Variants in SELENBP1 observed in about 807,000 individuals in gnomAD.
The protein encoded by SELENBP1 is methanethiol oxidase.
A neutral mutation model predicts 61.0 loss-of-function variants in SELENBP1; 71 were observed. The observed-to-expected ratio is 1.16, with a 90% CI of 0.96 to 1.42. The LOEUF (loss-of-function observed/expected upper bound fraction) is 1.42, where lower values mean the gene tolerates loss of function less well. SELENBP1 is among the 40% of genes most tolerant of loss of function. The probability of loss-of-function intolerance (pLI) is 0.00; values close to 1 mark genes in which losing one functional copy is unlikely to be tolerated. For synonymous variants in SELENBP1, 270 were observed against 238.9 expected (o/e 1.13, Z -1.20); for missense variants, 561 against 605.0 (o/e 0.93, Z 0.76).
intron 4 of SELENBP1, 136 bp from the exon 5 acceptor site, chr1:151,368,455 G>T: frequency 8.0e-7 from 1 of 1,247,530 alleles, no homozygotes. Flanking sequence ...CTCCCTGTGG[G>T]AATATGACAA....
Position 151,366,757 on chromosome 1 carries a change from A to G in SELENBP1, c.629T>C (p.Leu210Ser), listed in dbSNP as rs1198586151. ...ISTEWAAPNVLRDGFNPADVE... is the reference protein window; with the variant it reads ...ISTEWAAPNVSRDGFNPADVE... Reference sequence around the variant, plus strand: ...ATCAGCGGGGTTGAAGCCATCTCGTAAGACATTGGGAGCTGCCCACTCAGT... The same window carrying G: ...ATCAGCGGGGTTGAAGCCATCTCGTGAGACATTGGGAGCTGCCCACTCAGT... Residue 210 changes from leucine (L) to serine (S), a missense_variant, in exon 6 of 12, where the codon TTA becomes TCA. Coordinates refer to ENST00000368868, the MANE Select transcript of SELENBP1 (RefSeq NM_003944.4). 4.2e-5 allele frequency: 67 copies of G among 1,613,996 alleles called. No individual in the cohort carries two copies. The highest frequency in any genetic ancestry group is 5.6e-5 in the Non-Finnish European group (66 of 1,180,016).
chr1:151,366,145 A>G, intron 7 of SELENBP1, 130 bp downstream of exon 7: 3 of 1,130,086 alleles, frequency 2.7e-6, no homozygotes, highest in Non-Finnish European at 3.8e-6. Flanking sequence ...GCACTGAGAG[A>G]AGAGAGACAG....
At position 151,366,418 on chromosome 1, in the gene SELENBP1, G is replaced by T; in HGVS notation, c.700C>A (p.Gln234Lys). ...YGSHLYVWDW[Q>K]RHEIVQTLSL... ...AGGGTCTGCACAATCTCATGGCGCTGCCAGTCCCATACATATAAGTGGCTC... is the reference window on the plus strand; with the variant it reads ...AGGGTCTGCACAATCTCATGGCGCTTCCAGTCCCATACATATAAGTGGCTC... The change falls in exon 7 of 12, where the codon CAG becomes AAG. Residue 234 changes from glutamine (Q) to lysine (K), a missense_variant. Coordinates refer to ENST00000368868, the MANE Select transcript of SELENBP1 (RefSeq NM_003944.4). 2 of 1,613,998 alleles carry T rather than the reference G, an allele frequency of 1.2e-6. No homozygotes were observed. The highest frequency in any genetic ancestry group is 1.7e-6 in the Non-Finnish European group (2 of 1,180,022).
intron 6 of SELENBP1, 84 bp downstream of exon 6, chr1:151,366,638 G>A: frequency 1.3e-6 from 2 of 1,514,310 alleles, no homozygotes; most frequent in East Asian, 2.3e-5. Flanking sequence ...GCCACAGGAG[G>A]GAAGTGTGGG....
At chr1:151,365,461 A>T in intron 9 of SELENBP1, 102 bp downstream of exon 9, 18 of 1,544,956 alleles carry the variant, frequency 1.2e-5, no homozygotes, top group Middle Eastern at 1.8e-4. Context: ...CTTTTCCTGC[A>T]CCTCCCTCAA....
rs747234358 is a variant in SELENBP1, at chr1:151,366,810, G to T, written c.576C>A (p.Tyr192Ter). ...TGATCATGACATTGTGTCGAGGCTG[G>T]TACCAGAAGTCATAGCCCAACGGTG... The part of the protein sequence containing the change: ...GAAPLGYDFW[Y>*]QPRHNVMIST... Residue 192 changes from tyrosine to a stop codon, truncating the protein, a stop_gained, in exon 6 of 12, where the codon TAC (tyrosine) becomes TAA (stop). Transcript: ENST00000368868. LOFTEE classifies it high-confidence loss of function. 72 of 1,614,016 alleles carry T rather than the reference G, an allele frequency of 4.5e-5. No homozygotes were observed. The highest frequency in any genetic ancestry group is 5.8e-5 in the Non-Finnish European group (68 of 1,180,032).
rs1026868579 is a variant in SELENBP1 at position 151,365,443 on chromosome 1, CAT to C, written c.1044+118_1044+119del. On this transcript the variant is annotated intron_variant, in intron 9 of 11. Transcript: ENST00000368868. Reference sequence around the variant, plus strand: ...TGGGCCTGTGCTGTCCCACAGCACACATGTCTGCTTTTCCTGCACCTCCCTCA... The same window carrying C: ...TGGGCCTGTGCTGTCCCACAGCACACGTCTGCTTTTCCTGCACCTCCCTCA... The C allele has an allele frequency of 1.6e-5, 25 of 1,538,164 alleles. No individual in the cohort carries two copies. In the African/African-American group the frequency reaches 2.7e-4, roughly 17 times the overall value.
At chr1:151,368,689 T>C (rs1196851626) in intron 4 of SELENBP1, among the ~76,000 whole-genome samples, 1 of 152,196 alleles carries the variant, frequency 6.6e-6, no homozygotes, top group African/African-American at 2.4e-5. Context: ...AAACAAAGTG[T>C]TGGGAGAGAC....
rs767127018 is a variant in SELENBP1 at position 151,364,977 on chromosome 1, G to C, written c.1205C>G (p.Thr402Ser). The change falls in exon 11 of 12, where the codon ACC becomes AGC. Residue 402 changes from threonine to serine, a missense_variant. By Grantham distance (58) the Thr-to-Ser change is moderately conservative (BLOSUM62 1). Coordinates refer to ENST00000368868, the MANE Select transcript of SELENBP1 (RefSeq NM_003944.4). ...GTCCCAGGCACTGTACAGCGACGTG[G>C]TGATGTAGAGGCGCTTCCCATCCAG... ...LSLDGKRLYI[T>S]TSLYSAWDKQ... The C allele has an allele frequency of 6.2e-7, 1 of 1,613,798 alleles. No homozygotes were observed. The highest frequency in any genetic ancestry group is 1.7e-5 in the Admixed American group (1 of 59,982).
chr1:151,368,387 T>C, intron 4 of SELENBP1, 68 bp from the exon 5 acceptor site: 1 of 1,573,662 alleles, frequency 6.4e-7, no homozygotes. Flanking sequence ...ACCTCCATAC[T>C]TCCCCTACTT....
chr1:151,369,234 T>C, intron 3 of SELENBP1, 45 bp from the exon 4 acceptor site: 1 of 1,571,424 alleles, frequency 6.4e-7, no homozygotes, highest in East Asian at 2.3e-5. Flanking sequence ...CACGCCTCTG[T>C]CCACTTTTGG....
In SELENBP1 at chr1:151,366,714, A is replaced by T. The variant is rs1651838844; in HGVS notation, c.664+8T>A. On this transcript the variant is annotated splice_region_variant and intron_variant, in intron 6 of 11. Transcript: ENST00000368868. ...AAGGCTCCTGCTGGCACATGGGGGGATTCTCACCAGCCTCCACATCAGCGG... is the reference window on the plus strand; with the variant it reads ...AAGGCTCCTGCTGGCACATGGGGGGTTTCTCACCAGCCTCCACATCAGCGG... The T allele has an allele frequency of 1.9e-6, 3 of 1,611,480 alleles. No homozygotes were observed. Among genetic ancestry groups the T allele is most frequent in the African/African-American group, 1.3e-5 (1 of 74,768 alleles).
chr1:151,366,802 C>A lies in SELENBP1; in HGVS notation c.584G>T (p.Arg195Leu). The A allele has an allele frequency of 6.2e-7, 1 of 1,614,130 alleles. No individual in the cohort carries two copies. Among genetic ancestry groups the A allele is most frequent in the Non-Finnish European group, 8.5e-7 (1 of 1,180,032 alleles). ...CTCAGTGCTGATCATGACATTGTGT[C>A]GAGGCTGGTACCAGAAGTCATAGCC... ...PLGYDFWYQP[R>L]HNVMISTEWA... The change falls in exon 6 of 12, where the codon CGA (arginine) becomes CTA (leucine). Residue 195 changes from arginine (R) to leucine (L), a missense_variant. Transcript: ENST00000368868.
chr1:151,364,888 G>A, intron 11 of SELENBP1, 38 bp downstream of exon 11: 2 of 1,598,966 alleles, frequency 1.3e-6, no homozygotes, highest in Non-Finnish European at 1.7e-6. Context: ...TCTGGAAGAG[G>A]AGGGCTGGGG....
At position 151,369,377 on chromosome 1, in the gene SELENBP1, G is replaced by T. The variant is rs374416256; in HGVS notation, c.174+65C>A. The T allele has an allele frequency of 1.7e-4, 258 of 1,494,442 alleles. 2 individuals are homozygous for T. Among genetic ancestry groups the T allele is most frequent in the South Asian group, 1.5e-3 (126 of 84,772 alleles). The allele number at this position is 1,494,442 out of a possible 1,614,324, so 92.6% of individuals were successfully genotyped here. ...AAGAAGGATGGAGCTGGGAAGGGGG[G>T]GCCCAGGGCCAGGGATGAGGGCAGC... On this transcript the variant is annotated intron_variant, in intron 3 of 11. Coordinates refer to ENST00000368868, the MANE Select transcript of SELENBP1 (RefSeq NM_003944.4).
chr1:151,364,623 C>T lies in SELENBP1; in HGVS notation c.1339G>A (p.Gly447Arg), dbSNP rs748283337. Residue 447 changes from glycine (G) to arginine (R), a missense_variant, in exon 12 of 12, where the codon GGG becomes AGG. By Grantham distance (125) the Gly-to-Arg change is moderately radical. Transcript: ENST00000368868. ...AGGGCTGGGCCAAGGGGCTCCTTCC[C>T]GAAGTCCACCAGGAAGTTGGGGTTC... is the stretch of plus-strand genomic sequence containing the variant. ...KLNPNFLVDF[G>R]KEPLGPALAH... The T allele has an allele frequency of 7.8e-5, 126 of 1,613,432 alleles. No individual in the cohort carries two copies. The highest frequency in any genetic ancestry group is 9.4e-5 in the Non-Finnish European group (111 of 1,179,752).
rs755184263 is a variant in SELENBP1, at chr1:151,366,735, A to G, written c.651T>C (p.Ala217=). The G allele has an allele frequency of 1.2e-6, 2 of 1,614,030 alleles. No individual in the cohort carries two copies. The highest frequency in any genetic ancestry group is 2.2e-5 in the South Asian group (2 of 91,078). Residue 217 remains alanine (A), a synonymous_variant, in exon 6 of 12, where the codon GCT becomes GCC. Coordinates refer to ENST00000368868, the MANE Select transcript of SELENBP1 (RefSeq NM_003944.4). ...PNVLRDGFNP[A]DVEAGLYGSH... ...GGGGATTCTCACCAGCCTCCACATC[A>G]GCGGGGTTGAAGCCATCTCGTAAGA...
In SELENBP1 at chr1:151,365,858, G is replaced by C. The variant is rs1327327012; in HGVS notation, c.844-12C>G. ...GACCATGTACCTCCCTACATTGAGGGGTGGAGGGTGAGGTTAGCTGGCAGA... is the reference window on the plus strand; with the variant it reads ...GACCATGTACCTCCCTACATTGAGGCGTGGAGGGTGAGGTTAGCTGGCAGA... On this transcript the variant is annotated splice_polypyrimidine_tract_variant and intron_variant, in intron 7 of 11. Coordinates refer to ENST00000368868, the MANE Select transcript of SELENBP1 (RefSeq NM_003944.4). 1 of 1,613,638 alleles carries C rather than the reference G, an allele frequency of 6.2e-7. No homozygotes were observed. The highest frequency in any genetic ancestry group is 1.1e-5 in the South Asian group (1 of 91,052).
At chr1:151,366,649 G>T in intron 6 of SELENBP1, 73 bp downstream of exon 6, 1 of 1,544,210 alleles carries the variant, frequency 6.5e-7, no homozygotes. Flanking sequence ...GAAGTGTGGG[G>T]GTGGGAGATT....
Sources: allele counts gnomAD v4.1 joint callset (sites outside exome capture counted in the v4.1 genomes callset), GRCh38; gene constraint gnomAD v4.1.1; transcripts MANE v1.5; gene names NCBI Gene and HGNC (gene_info 2026-07-23, HGNC 2026-07-21).